C16orf95: variants seen among roughly 807,000 people sequenced by gnomAD.
The protein encoded by C16orf95 is chromosome 16 open reading frame 95.
In C16orf95, 41 loss-of-function variants were observed where a neutral mutation model predicts 32.1. The observed-to-expected ratio is 1.28, with a 90% CI of 1.00 to 1.66. C16orf95 has a LOEUF of 1.66. Ranked by LOEUF, C16orf95 falls within the 40% of genes most tolerant of loss-of-function variation. C16orf95 has a pLI of 0.00. For missense variants in C16orf95, 399 were observed against 325.9 expected, an observed-to-expected ratio of 1.22 and a Z score of -1.73; for synonymous variants, 147 against 128.9, an observed-to-expected ratio of 1.14 and a Z score of -0.95.
intron 4 of C16orf95, among the ~76,000 whole-genome samples, chr16:87,310,678 C>A (rs1911241303): frequency 6.6e-6 from 1 of 152,154 alleles, no homozygotes; most frequent in Admixed American, 6.5e-5. Context: ...AGAGGACAGG[C>A]CATCTACTGG....
In C16orf95 at chr16:87,317,152, G is replaced by GC. The variant is rs1165150555; in HGVS notation, c.90dup (p.Pro31AlafsTer23). On this transcript the variant is annotated frameshift_variant, in exon 1 of 7. Transcript: ENST00000567970. LOFTEE classifies it high-confidence loss of function. ...CAGAGCCCGACGCACCCCGCGCCCG[G>GC]CCCCCCGGCAGCAGCGCCTGAGGCT... The GC allele has an allele frequency of 1.3e-6, 2 of 1,531,440 alleles. No homozygotes were observed. The highest frequency in any genetic ancestry group is 8.7e-7 in the Non-Finnish European group (1 of 1,144,910). The allele number at this position is 1,531,440 out of a possible 1,614,324, so 94.9% of individuals were successfully genotyped here. A position where few individuals can be genotyped will look rare whatever the true frequency, so the allele number is the denominator to read the frequency against.
intron 1 of C16orf95, among the ~76,000 whole-genome samples, chr16:87,316,649 A>AC (rs1214620135): frequency 6.8e-6 from 1 of 146,008 alleles, no homozygotes; most frequent in Non-Finnish European, 1.5e-5. Context: ...CCTGGTGGGG[A>AC]GGGGGGGGGC....
At chr16:87,306,879 C>G (rs1428404453) in intron 5 of C16orf95, among the ~76,000 whole-genome samples, 1 of 152,162 alleles carries the variant, frequency 6.6e-6, no homozygotes, top group African/African-American at 2.4e-5. Flanking sequence ...TTTTAAGTAT[C>G]AGATACCAGA....
chr16:87,314,604 G>A (rs976949873), intron 3 of C16orf95, among the ~76,000 whole-genome samples: 1 of 152,170 alleles, frequency 6.6e-6, no homozygotes, highest in Non-Finnish European at 1.5e-5. Flanking sequence ...GGGTTCAGGG[G>A]GGAATACCTA....
At chr16:87,314,501 A>G (rs1904302576) in intron 3 of C16orf95, among the ~76,000 whole-genome samples, 1 of 152,192 alleles carries the variant, frequency 6.6e-6, no homozygotes, top group African/African-American at 2.4e-5. Context: ...TTGCCTGGGG[A>G]TGTCAGGGTA....
chr16:87,309,816 T>C (rs563892727), intron 5 of C16orf95, among the ~76,000 whole-genome samples: 1 of 152,364 alleles, frequency 6.6e-6, no homozygotes, highest in South Asian at 2.1e-4. Context: ...GTCACAAATA[T>C]ATGAATGTAT....
chr16:87,308,601 C>A (rs1413056264), intron 5 of C16orf95, among the ~76,000 whole-genome samples: 4 of 152,212 alleles, frequency 2.6e-5, no homozygotes. Flanking sequence ...GTTGCCGTGA[C>A]CTCTGCTCTT....
chr16:87,305,391 C>A lies in C16orf95; in HGVS notation c.701+328G>T, dbSNP rs202002103. 2.6e-5 allele frequency among the ~76,000 whole-genome samples: 4 copies of A among 151,896 alleles called. No individual in the cohort carries two copies. The East Asian group carries it at 7.8e-4, about 29-fold the overall frequency. On this transcript the variant is annotated intron_variant, in intron 6 of 6. Coordinates refer to ENST00000567970, the MANE Select transcript of C16orf95 (RefSeq NM_001195124.3). The surrounding 1 kb of genome is among the most constrained non-coding windows in gnomAD (Gnocchi z 4.2). The stretch of plus-strand genomic sequence containing the variant: ...GTGGCTGTTAAGATGCACCGTCAAC[C>A]CCAACATAACAATGAAAATTTATGG...
At chr16:87,304,529 C>T (rs1411229554) in intron 6 of C16orf95, among the ~76,000 whole-genome samples, 1 of 152,192 alleles carries the variant, frequency 6.6e-6, no homozygotes, top group Non-Finnish European at 1.5e-5. Context: ...AGAAAAACGA[C>T]AAAGAAGGAA....
chr16:87,302,963 C>G lies in C16orf95; in HGVS notation c.*94G>C. 1 of 1,275,674 alleles carries G rather than the reference C, an allele frequency of 7.8e-7. No homozygotes were observed. 79.0% of individuals were successfully genotyped at this position (1,275,674 alleles called of 1,614,324 possible). On this transcript the variant is annotated 3_prime_UTR_variant, in exon 7 of 7. Coordinates refer to ENST00000567970, the MANE Select transcript of C16orf95 (RefSeq NM_001195124.3). ...GGATTCTGTTCTGAGAAGACAGCGA[C>G]TGTCACAGACGCCTCCTGATTGGTG...
chr16:87,310,750 G>C (rs1447576395), intron 4 of C16orf95, among the ~76,000 whole-genome samples: 1 of 152,150 alleles, frequency 6.6e-6, no homozygotes, highest in Non-Finnish European at 1.5e-5. Context: ...AGGGGAGAGA[G>C]TCAGAGGAGG....
At chr16:87,307,324 T>C (rs1241224666) in intron 5 of C16orf95, among the ~76,000 whole-genome samples, 1 of 152,102 alleles carries the variant, frequency 6.6e-6, no homozygotes. Context: ...ATATACTATG[T>C]CATGAGAGCA....
At chr16:87,314,192 T>C (rs1253269230) in intron 3 of C16orf95, among the ~76,000 whole-genome samples, 1 of 152,202 alleles carries the variant, frequency 6.6e-6, no homozygotes, top group African/African-American at 2.4e-5. Flanking sequence ...TGACGGCATA[T>C]GTGCATACAA....
intron 5 of C16orf95, chr16:87,306,213 T>G (rs932074791): frequency 1.8e-5 from 4 of 222,602 alleles, no homozygotes; most frequent in Non-Finnish European, 3.5e-5. Flanking sequence ...GGAGCGGGAG[T>G]GGGTGGTGAA....
chr16:87,303,193 A>T, intron 6 of C16orf95, 118 bp from the exon 7 acceptor site: 1 of 966,906 alleles, frequency 1.0e-6, no homozygotes, highest in South Asian at 1.4e-5. Context: ...CACAGTGCAC[A>T]GGGCTGGAGG....
rs1257917060 is a variant in C16orf95 at position 87,311,247 on chromosome 16, G to A, written c.380C>T (p.Pro127Leu). 6.5e-7 allele frequency: 1 copy of A among 1,535,660 alleles called. No individual in the cohort carries two copies. Among genetic ancestry groups the A allele is most frequent in the Non-Finnish European group, 8.7e-7 (1 of 1,146,630 alleles). ...GCCCCCAAAGCGGTGGCATAGGCAG[G>A]GGCACATCTTGGCGGTTTGGGGGAT... is the stretch of plus-strand genomic sequence containing the variant. ...FPIPQTAKMCPCLCHRFGGRL... is the reference protein window; with the variant it reads ...FPIPQTAKMCLCLCHRFGGRL... The change falls in exon 4 of 7, where the codon CCC (proline) becomes CTC (leucine). Residue 127 changes from proline to leucine, a missense_variant. Physicochemically the swap from Pro to Leu is moderately conservative, Grantham distance 98. Coordinates refer to ENST00000567970, the MANE Select transcript of C16orf95 (RefSeq NM_001195124.3).
chr16:87,308,576 G>A lies in C16orf95; in HGVS notation c.514+1721C>T, dbSNP rs1213092264. 3.3e-5 allele frequency among the ~76,000 whole-genome samples: 5 copies of A among 152,106 alleles called. No homozygotes were observed. The East Asian group carries it at 9.6e-4, about 29-fold the overall frequency. On this transcript the variant is annotated intron_variant, in intron 5 of 6. Transcript: ENST00000567970. The stretch of plus-strand genomic sequence containing the variant: ...AAAGTCTACAAGCAAAATGCCTTGA[G>A]CATCCCAAAAAACTGTTGCCGTGAC...
In C16orf95 at chr16:87,305,781, A is replaced by ACGCGCTGCAGGAGC; in HGVS notation, c.625_638dup (p.Pro216GlnfsTer10). On this transcript the variant is annotated frameshift_variant, in exon 6 of 7. Coordinates refer to ENST00000567970, the MANE Select transcript of C16orf95 (RefSeq NM_001195124.3). LOFTEE classifies it high-confidence loss of function. The surrounding 1 kb of genome is among the most constrained non-coding windows in gnomAD (Gnocchi z 4.2). Reference sequence around the variant, plus strand: ...GGGTCAGGAGGCCGAGGGGCAGCAGACGCGCTGCAGGAGCCGGTAGCTGGT... The same window carrying ACGCGCTGCAGGAGC: ...GGGTCAGGAGGCCGAGGGGCAGCAGACGCGCTGCAGGAGCCGCGCTGCAGGAGCCGGTAGCTGGT... 1 of 1,518,280 alleles carries ACGCGCTGCAGGAGC rather than the reference A, an allele frequency of 6.6e-7. No individual in the cohort carries two copies. Among genetic ancestry groups the ACGCGCTGCAGGAGC allele is most frequent in the Non-Finnish European group, 8.8e-7 (1 of 1,138,314 alleles). The allele number at this position is 1,518,280 out of a possible 1,614,324, so 94.1% of individuals were successfully genotyped here.
At position 87,303,004 on chromosome 16, in the gene C16orf95, T is replaced by G; in HGVS notation, c.*53A>C. On this transcript the variant is annotated 3_prime_UTR_variant, in exon 7 of 7. Coordinates refer to ENST00000567970, the MANE Select transcript of C16orf95 (RefSeq NM_001195124.3). ...CTGATTGGTGGACTCTCAAAGATCT[T>G]GATCGTGACACATTTTTGTGGCTGT... 7 of 1,528,814 alleles carry G rather than the reference T, an allele frequency of 4.6e-6. No homozygotes were observed. Among genetic ancestry groups the G allele is most frequent in the Non-Finnish European group, 6.1e-6 (7 of 1,140,228 alleles). The allele number at this position is 1,528,814 out of a possible 1,614,324, so 94.7% of individuals were successfully genotyped here. A position where few individuals can be genotyped will look rare whatever the true frequency, so the allele number is the denominator to read the frequency against.
Sources: gnomAD v4.1 joint callset for allele counts (sites outside exome capture counted in the v4.1 genomes callset) on GRCh38, gnomAD v4.1.1 for gene constraint, Gnocchi (gnomAD v3.1) non-coding constraint, MANE v1.5 for transcripts, NCBI Gene and HGNC (gene_info 2026-07-23, HGNC 2026-07-21) for gene names.